HMGCLL1: variants seen among roughly 807,000 people sequenced by gnomAD.
The protein encoded by HMGCLL1 is 3-hydroxymethyl-3-methylglutaryl-CoA lyase, cytoplasmic.
HMGCLL1 carries 36 observed loss-of-function variants against 39.1 expected under a neutral mutation model. That is an observed-to-expected ratio of 0.92 (90% confidence interval 0.71 to 1.22). The LOEUF (loss-of-function observed/expected upper bound fraction) is 1.22, where lower values mean the gene tolerates loss of function less well. HMGCLL1 is among the 50% of genes most tolerant of loss of function. The pLI, the probability that HMGCLL1 is intolerant of heterozygous loss-of-function variation, is 0.00. For missense variants in HMGCLL1, 451 were observed against 416.5 expected (o/e 1.08, Z -0.72); for synonymous variants, 149 against 144.0 (o/e 1.03, Z -0.25).
the HMGCLL1 span, among the ~76,000 whole-genome samples, chr6:55,678,437 T>A: frequency 6.6e-6 from 1 of 152,130 alleles, no homozygotes; most frequent in Non-Finnish European, 1.5e-5. Flanking sequence ...GCCTGCTTTA[T>A]GGTCTTAAGG....
the HMGCLL1 span, among the ~76,000 whole-genome samples, chr6:55,612,739 G>A: frequency 6.6e-6 from 1 of 152,114 alleles, no homozygotes; most frequent in East Asian, 1.9e-4. Context: ...GGGAAAACTG[G>A]CTAGCCATAT....
chr6:55,454,244 C>A (rs2127391206), intron 7 of HMGCLL1, among the ~76,000 whole-genome samples: 1 of 152,178 alleles, frequency 6.6e-6, no homozygotes, highest in Non-Finnish European at 1.5e-5. Context: ...CACGAGGCTT[C>A]CCATATGCTG....
chr6:55,622,241 T>C, the HMGCLL1 span, among the ~76,000 whole-genome samples: 1 of 152,122 alleles, frequency 6.6e-6, no homozygotes, highest in African/African-American at 2.4e-5. Context: ...AGTCTTCCTT[T>C]CCAATTTGGA....
At position 55,557,569 on chromosome 6, in the gene HMGCLL1, G is replaced by A. The variant is rs142717002; in HGVS notation, c.109-15429C>T. On this transcript the variant is annotated intron_variant, in intron 1 of 8. Transcript: ENST00000274901. The stretch of plus-strand genomic sequence containing the variant: ...GTACCCAGCTGATGAGGTTACTACC[G>A]GCTTTATTATACTTTCCTTTCCAGG... 5.2e-3 allele frequency among the ~76,000 whole-genome samples: 793 copies of A among 151,990 alleles called. 12 individuals carry two copies. The highest frequency in any genetic ancestry group is 0.018 in the African/African-American group (742 of 41,460).
At chr6:55,540,548 C>G (rs1033430869) in intron 3 of HMGCLL1, among the ~76,000 whole-genome samples, 1 of 152,012 alleles carries the variant, frequency 6.6e-6, no homozygotes, top group African/African-American at 2.4e-5. Flanking sequence ...CTGGATCTGC[C>G]AGCACCTAAA....
chr6:55,563,918 T>C (rs1771088830), intron 1 of HMGCLL1: 2 of 1,280,564 alleles, frequency 1.6e-6, no homozygotes, highest in Admixed American at 2.3e-5. Flanking sequence ...GAAGCTCCTT[T>C]GGAGAGGAGG....
chr6:55,505,939 G>A (rs1325186576), intron 5 of HMGCLL1, among the ~76,000 whole-genome samples: 4 of 151,706 alleles, frequency 2.6e-5, no homozygotes, highest in Non-Finnish European at 5.9e-5. Context: ...CTAGACATTT[G>A]CTTAAAATTT....
chr6:55,605,287 T>A, the HMGCLL1 span, among the ~76,000 whole-genome samples: 1 of 152,200 alleles, frequency 6.6e-6, no homozygotes. Context: ...CTCCGACTAC[T>A]CCTTTTATCC....
At chr6:55,624,708 C>T in the HMGCLL1 span, among the ~76,000 whole-genome samples, 1 of 152,096 alleles carries the variant, frequency 6.6e-6, no homozygotes, top group African/African-American at 2.4e-5. Flanking sequence ...AATTCAGGGA[C>T]TTTCTACCTC....
intron 5 of HMGCLL1, among the ~76,000 whole-genome samples, chr6:55,501,885 G>T (rs1436011969): frequency 6.6e-6 from 1 of 151,750 alleles, no homozygotes; most frequent in East Asian, 1.9e-4. Flanking sequence ...CTAATCTCAG[G>T]AATTTCCTCA....
Position 55,516,585 on chromosome 6 carries a change from C to A in HMGCLL1, c.316G>T (p.Val106Leu), listed in dbSNP as rs768781961. 1.9e-6 allele frequency: 3 copies of A among 1,595,582 alleles called. No homozygotes were observed. In the African/African-American group the frequency reaches 4.0e-5, roughly 21 times the overall value. The change falls in exon 4 of 9, where the codon GTA becomes TTA. Residue 106 changes from valine to leucine, a missense_variant. Val to Leu is a conservative substitution (Grantham distance 32). Transcript: ENST00000274901. ...GGATATTGATGAATGCCTTTCATTA[C>A]TTCAGTGTGATCAGCCATCTTAAAT... ...WVPQMADHTE[V>L]MKGIHQYPGV... is the part of the protein sequence containing the mutation.
At chr6:55,464,286 G>T (rs1340735382) in intron 7 of HMGCLL1, among the ~76,000 whole-genome samples, 2 of 152,044 alleles carry the variant, frequency 1.3e-5, no homozygotes, top group Non-Finnish European at 2.9e-5. Flanking sequence ...TAGACTCCTA[G>T]TTGCAAGTAG....
At chr6:55,457,719 C>T (rs9475298) in intron 7 of HMGCLL1, among the ~76,000 whole-genome samples, 12,232 of 151,814 alleles carry the variant, frequency 0.081, 553 homozygotes, top group African/African-American at 0.12. Context: ...TGGCTTTATT[C>T]TTTCAAGTCG....
intron 1 of HMGCLL1, among the ~76,000 whole-genome samples, chr6:55,553,186 C>T (rs111278475): frequency 1.5e-4 from 7 of 46,452 alleles, no homozygotes; most frequent in Admixed American, 2.1e-4. Flanking sequence ...CATACACACA[C>T]ACACACACAC....
chr6:55,438,643 AACTGTAG>A (rs1763466759), intron 8 of HMGCLL1, among the ~76,000 whole-genome samples: 1 of 152,098 alleles, frequency 6.6e-6, no homozygotes, highest in Non-Finnish European at 1.5e-5. Flanking sequence ...AATGGTACAG[AACTGTAG>A]ACTAGAAGCA....
chr6:55,531,586 A>C (rs1768679497), intron 3 of HMGCLL1, among the ~76,000 whole-genome samples: 1 of 152,154 alleles, frequency 6.6e-6, no homozygotes, highest in Non-Finnish European at 1.5e-5. Flanking sequence ...GATAAGGTAA[A>C]GCAGTGGTAC....
chr6:55,439,495 G>A lies in HMGCLL1; in HGVS notation c.860C>T (p.Ala287Val). The change falls in exon 8 of 9, where the codon GCT becomes GTT. Residue 287 changes from alanine (A) to valine (V), a missense_variant. By Grantham distance (64) the Ala-to-Val change is moderately conservative. Coordinates refer to ENST00000274901, the MANE Select transcript of HMGCLL1 (RefSeq NM_001042406.2). ...GLGGCPYAKG[A>V]SGNVATEDLI... ...ATCCTCAGTGGCTACATTCCCAGAA[G>A]CACCTTTTGCATAAGGGCAGCCACC... 6.2e-7 allele frequency: 1 copy of A among 1,612,748 alleles called. No homozygotes were observed. Among genetic ancestry groups the A allele is most frequent in the Non-Finnish European group, 8.5e-7 (1 of 1,179,066 alleles).
the HMGCLL1 span, among the ~76,000 whole-genome samples, chr6:55,584,251 A>T: frequency 2.0e-5 from 3 of 152,104 alleles, no homozygotes; most frequent in African/African-American, 7.2e-5. Flanking sequence ...TTGTTCCATA[A>T]TTTTCAATGT....
At chr6:55,538,728 T>G (rs1443728780) in intron 3 of HMGCLL1, among the ~76,000 whole-genome samples, 1 of 152,088 alleles carries the variant, frequency 6.6e-6, no homozygotes, top group Non-Finnish European at 1.5e-5. Flanking sequence ...TACTATGTAC[T>G]GAGAAATGGG....
Sources: gnomAD v4.1 joint callset for allele counts (sites outside exome capture counted in the v4.1 genomes callset) on GRCh38, gnomAD v4.1.1 for gene constraint, MANE v1.5 for transcripts, NCBI Gene and HGNC (gene_info 2026-07-23, HGNC 2026-07-21) for gene names.